Variants in CFAP47 observed in about 807,000 individuals in gnomAD.
CFAP47 encodes the protein cilia- and flagella-associated protein 47.
A neutral mutation model predicts 148.1 loss-of-function variants in CFAP47; 29 were observed. The ratio of observed to expected loss-of-function variants is 0.20; its 90% CI spans 0.15 to 0.27. The LOEUF (loss-of-function observed/expected upper bound fraction) is 0.27. Ranked by LOEUF, CFAP47 falls within the 10% of genes least tolerant of loss-of-function variation. The pLI is 1.00. For missense variants in CFAP47, 1,872 were observed against 1,697.5 expected (o/e 1.10, Z -1.81); for synonymous variants, 664 against 577.3 (o/e 1.15, Z -2.15).
intron 21 of CFAP47, among the ~76,000 whole-genome samples, chrX:36,006,853 T>C (rs990920002): frequency 1.8e-5 from 2 of 112,250 alleles, no homozygotes; most frequent in Non-Finnish European, 3.8e-5. Flanking sequence ...ATATGGCTAT[T>C]TGAATTAAAG....
At chrX:36,333,951 G>A (rs1411367290) in intron 57 of CFAP47, among the ~76,000 whole-genome samples, 1 of 111,315 alleles carries the variant, frequency 9.0e-6, no homozygotes, top group African/African-American at 3.3e-5. Context: ...ACTTGTAATT[G>A]TGAATGGCGA....
chrX:35,956,124 G>A lies in CFAP47; in HGVS notation c.1338G>A (p.Thr446=), dbSNP rs373129355. ...ATCAATGCGAATTACTTCCTGTGAC[G>A]TACCACTTTAAAAAAACTGCAAATT... is the stretch of plus-strand genomic sequence containing the variant. The part of the protein sequence containing the change: ...IKNQCELLPV[T]YHFKKTANFE... Residue 446 remains threonine (T), a synonymous_variant, in exon 8 of 64, where the codon ACG becomes ACA. Coordinates refer to ENST00000378653, the MANE Select transcript of CFAP47 (RefSeq NM_001304548.2). The A allele has an allele frequency of 6.0e-5, 73 of 1,209,336 alleles. No homozygotes were observed. Among genetic ancestry groups the A allele is most frequent in the South Asian group, 1.1e-4 (6 of 56,788 alleles).
At chrX:35,923,901 ATG>A (rs1935626569) in intron 1 of CFAP47, among the ~76,000 whole-genome samples, 3 of 85,429 alleles carry the variant, frequency 3.5e-5, no homozygotes, top group African/African-American at 2.0e-4. Flanking sequence ...ATGTGTATAT[ATG>A]TACATGTGTA....
chrX:36,266,973 C>G (rs1407265267), intron 49 of CFAP47, among the ~76,000 whole-genome samples: 1 of 111,111 alleles, frequency 9.0e-6, no homozygotes, highest in Non-Finnish European at 1.9e-5. Context: ...TTCAGACAGT[C>G]TGCTTGACGC....
chrX:36,085,374 G>T lies in CFAP47; in HGVS notation c.4752G>T (p.Gln1584His). 1 of 1,208,189 alleles carries T rather than the reference G, an allele frequency of 8.3e-7. No individual in the cohort carries two copies. Among genetic ancestry groups the T allele is most frequent in the Non-Finnish European group, 1.1e-6 (1 of 893,303 alleles). Residue 1584 changes from glutamine (Q) to histidine (H), a missense_variant, in exon 30 of 64, where the codon CAG becomes CAT. Physicochemically the swap from Gln to His is conservative, Grantham distance 24. Coordinates refer to ENST00000378653, the MANE Select transcript of CFAP47 (RefSeq NM_001304548.2). ...STSPPQKFSR[Q>H]NDFSKYNKTI... is the part of the protein sequence containing the mutation. ...CGCCACCCCAAAAGTTTTCCAGACA[G>T]AATGACTTTTCCAAATATAATAAGA...
intron 39 of CFAP47, 51 bp from the exon 40 acceptor site, chrX:36,179,294 C>T (rs890249510): frequency 3.1e-5 from 9 of 290,831 alleles, no homozygotes; most frequent in African/African-American, 1.4e-4. Flanking sequence ...TTGTGGTTAT[C>T]GGAATTTTGT....
chrX:36,232,873 T>C (rs1266505843), intron 46 of CFAP47, among the ~76,000 whole-genome samples: 4 of 112,127 alleles, frequency 3.6e-5, no homozygotes, highest in East Asian at 2.8e-4. Flanking sequence ...TCGTTATGTA[T>C]CCAGTAGTCA....
chrX:35,924,540 C>T (rs1451596632), intron 1 of CFAP47, among the ~76,000 whole-genome samples: 2 of 102,987 alleles, frequency 1.9e-5, no homozygotes, highest in African/African-American at 3.7e-5. Flanking sequence ...CATATATGTG[C>T]ACCTATATGT....
chrX:36,231,105 G>T (rs1205012148), intron 46 of CFAP47, among the ~76,000 whole-genome samples: 1 of 109,809 alleles, frequency 9.1e-6, no homozygotes, highest in African/African-American at 3.4e-5. Flanking sequence ...CTCTTTTTTG[G>T]TTCCATATTA....
chrX:36,355,032 A>G (rs1941774500), intron 60 of CFAP47, among the ~76,000 whole-genome samples: 1 of 111,297 alleles, frequency 9.0e-6, no homozygotes, highest in South Asian at 3.8e-4. Flanking sequence ...ATTAAAAAAA[A>G]ACTAATAATC....
chrX:36,200,403 G>A lies in CFAP47; in HGVS notation c.6346G>A (p.Glu2116Lys), dbSNP rs1939967304. 1 of 295,085 alleles carries A rather than the reference G, an allele frequency of 3.4e-6. No homozygotes were observed. The highest frequency in any genetic ancestry group is 2.0e-4 in the South Asian group (1 of 4,892). 24.3% of individuals were successfully genotyped at this position (295,085 alleles called of 1,213,427 possible). A position where few individuals can be genotyped will look rare whatever the true frequency, so the allele number is the denominator to read the frequency against. ...GATTGGACAATTAATATATGTTGCG[G>A]AAGGAAAAGGTATGACCCCCTTGCC... is the stretch of plus-strand genomic sequence containing the variant. The part of the protein sequence containing the change: ...KKIGQLIYVA[E>K]GKGMTPLPSS... Residue 2116 changes from glutamate to lysine, a missense_variant, in exon 43 of 64, where the codon GAA (glutamate) becomes AAA (lysine). Physicochemically the swap from Glu to Lys is moderately conservative, Grantham distance 56. Transcript: ENST00000378653.
chrX:36,234,348 T>G lies in CFAP47; in HGVS notation c.7015-1586T>G, dbSNP rs781961068. On this transcript the variant is annotated intron_variant, in intron 46 of 63. Transcript: ENST00000378653. ...CTTTTTTCTCTAAACTTCCCTTCTC[T>G]CTTCATTTCATTCATTTCATCTTCC... 4.0e-4 allele frequency among the ~76,000 whole-genome samples: 45 copies of G among 111,400 alleles called. No homozygotes were observed. In the South Asian group the frequency reaches 7.6e-3, roughly 19 times the overall value.
intron 57 of CFAP47, among the ~76,000 whole-genome samples, chrX:36,342,180 T>G (rs1556015864): frequency 9.0e-6 from 1 of 111,513 alleles, no homozygotes; most frequent in Non-Finnish European, 1.9e-5. Flanking sequence ...CTAGTAACAC[T>G]GAAAACTAAG....
At chrX:36,136,975 T>C (rs928971026) in intron 33 of CFAP47, among the ~76,000 whole-genome samples, 2 of 111,621 alleles carry the variant, frequency 1.8e-5, no homozygotes, top group Non-Finnish European at 3.8e-5. Flanking sequence ...AGAAATCCTA[T>C]AGAAATGTTC....
At chrX:36,334,338 C>T (rs1418282957) in intron 57 of CFAP47, among the ~76,000 whole-genome samples, 5 of 111,660 alleles carry the variant, frequency 4.5e-5, no homozygotes, top group African/African-American at 1.6e-4. Flanking sequence ...TCCTGTTACC[C>T]TTTTCTTTAG....
rs1556001331 is a variant in CFAP47 at position 36,268,124 on chromosome X, TAC to T, written c.7445-12361_7445-12360del. Among the ~76,000 whole-genome samples the T allele has an allele frequency of 7.0e-5, 8 of 113,563 alleles. No individual in the cohort carries two copies. In the South Asian group the frequency reaches 2.5e-3, roughly 36 times the overall value. On this transcript the variant is annotated intron_variant, in intron 49 of 63. Transcript: ENST00000378653. The stretch of plus-strand genomic sequence containing the variant: ...TGTCACATACGGCATTTTCTGCCTT[TAC>T]ATAAGATGATCTGTCCTCTGATTGC...
chrX:36,040,491 C>A (rs973776827), intron 25 of CFAP47, among the ~76,000 whole-genome samples: 4 of 111,484 alleles, frequency 3.6e-5, no homozygotes, highest in African/African-American at 1.3e-4. Flanking sequence ...TTAGAGAATA[C>A]ACATTTTTAA....
At chrX:36,365,848 C>T (rs1411006197) in intron 61 of CFAP47, 3 of 111,553 alleles carry the variant, frequency 2.7e-5, no homozygotes, top group Non-Finnish European at 5.7e-5. Context: ...CATAGTATTT[C>T]ACAGTGTATA....
intron 46 of CFAP47, among the ~76,000 whole-genome samples, 199 bp from the exon 47 acceptor site, chrX:36,235,735 G>A (rs183924339): frequency 2.7e-5 from 3 of 112,426 alleles, no homozygotes; most frequent in Non-Finnish European, 3.8e-5. Flanking sequence ...GCTGTAGACC[G>A]GAGCTGTTCC....
Sources: gnomAD v4.1 joint callset for allele counts (sites outside exome capture counted in the v4.1 genomes callset) on GRCh38, gnomAD v4.1.1 for gene constraint, MANE v1.5 for transcripts, NCBI Gene and HGNC (gene_info 2026-07-23, HGNC 2026-07-21) for gene names.